Variants in NKAIN3 observed in about 807,000 individuals in gnomAD.
NKAIN3 encodes the protein sodium/potassium transporting ATPase interacting 3, also known as sodium/potassium-transporting ATPase subunit beta-1-interacting protein 3.
A neutral mutation model predicts 30.2 loss-of-function variants in NKAIN3; 25 were observed. That is an observed-to-expected ratio of 0.83 (90% CI 0.60 to 1.16). NKAIN3 has a LOEUF of 1.16. Ranked by LOEUF, NKAIN3 falls within the 50% of genes most tolerant of loss-of-function variation. NKAIN3 has a pLI of 0.00. For synonymous variants in NKAIN3, 91 were observed against 89.6 expected (o/e 1.02, Z -0.09); for missense variants, 225 against 254.1 (o/e 0.89, Z 0.78).
In NKAIN3 at chr8:62,421,074, C is replaced by T. The variant is rs143877873; in HGVS notation, c.55-158465C>T. Among the ~76,000 whole-genome samples the T allele has an allele frequency of 2.2e-4, 33 of 152,216 alleles. No individual in the cohort carries two copies. In the East Asian group the frequency reaches 6.2e-3, roughly 29 times the overall value. On this transcript the variant is annotated intron_variant, in intron 1 of 6. Coordinates refer to ENST00000623646, the MANE Select transcript of NKAIN3 (RefSeq NM_001304533.3). The stretch of plus-strand genomic sequence containing the variant: ...CCACACAACTTTGAAAAAGAAACAC[C>T]GCACAAGGTTGAGGATTATAAACCA...
At chr8:62,479,471 C>T (rs929463046) in intron 1 of NKAIN3, among the ~76,000 whole-genome samples, 9 of 152,108 alleles carry the variant, frequency 5.9e-5, no homozygotes, top group African/African-American at 2.2e-4. Flanking sequence ...GGCCCTGTTC[C>T]CTCCACTGGG....
chr8:62,602,806 G>A (rs1456921026), intron 3 of NKAIN3, among the ~76,000 whole-genome samples: 1 of 151,992 alleles, frequency 6.6e-6, no homozygotes, highest in Non-Finnish European at 1.5e-5. Flanking sequence ...TCCAAACATG[G>A]CAAATTCTTC....
intron 1 of NKAIN3, among the ~76,000 whole-genome samples, chr8:62,352,250 G>A (rs1816203332): frequency 6.6e-6 from 1 of 152,136 alleles, no homozygotes; most frequent in African/African-American, 2.4e-5. Flanking sequence ...CTGAGCTTCA[G>A]CTCAGGCTTA....
chr8:62,288,843 T>A lies in NKAIN3; in HGVS notation c.54+39716T>A, dbSNP rs1813472626. 2.0e-5 allele frequency among the ~76,000 whole-genome samples: 3 copies of A among 152,318 alleles called. No homozygotes were observed. The South Asian group carries it at 6.2e-4, about 32-fold the overall frequency. On this transcript the variant is annotated intron_variant, in intron 1 of 6. Transcript: ENST00000623646. ...CTAACTTCCACAATGGTTGAACTAG[T>A]TTACAGTCCCACCAACAGTGTAAAA... is the stretch of plus-strand genomic sequence containing the variant.
intron 4 of NKAIN3, among the ~76,000 whole-genome samples, chr8:62,895,310 G>A (rs986754178): frequency 3.3e-5 from 5 of 152,180 alleles, no homozygotes; most frequent in African/African-American, 4.8e-5. Context: ...TAAAAGATAG[G>A]CTCTGCCCTC....
At chr8:62,443,950 A>T (rs547365983) in intron 1 of NKAIN3, among the ~76,000 whole-genome samples, 1 of 152,270 alleles carries the variant, frequency 6.6e-6, no homozygotes, top group East Asian at 1.9e-4. Context: ...TCTAACAGGC[A>T]TTACTGTTAG....
chr8:62,630,541 A>G (rs1811925390), intron 3 of NKAIN3, among the ~76,000 whole-genome samples: 1 of 152,144 alleles, frequency 6.6e-6, no homozygotes, highest in African/African-American at 2.4e-5. Context: ...TTCCAAGTGT[A>G]TTCAGCAAAT....
intron 3 of NKAIN3, among the ~76,000 whole-genome samples, chr8:62,716,782 A>G (rs147033046): frequency 7.0e-4 from 107 of 152,018 alleles, no homozygotes; most frequent in African/African-American, 2.3e-3. Flanking sequence ...AGAGAATAAC[A>G]GCTGTCAGGA....
At chr8:62,753,855 T>C (rs1474322658) in intron 4 of NKAIN3, among the ~76,000 whole-genome samples, 1 of 152,090 alleles carries the variant, frequency 6.6e-6, no homozygotes, top group African/African-American at 2.4e-5. Flanking sequence ...TCTGGATATG[T>C]ATAAATATAT....
chr8:62,625,810 A>G (rs958984335), intron 3 of NKAIN3, among the ~76,000 whole-genome samples: 3 of 152,096 alleles, frequency 2.0e-5, no homozygotes, highest in Non-Finnish European at 4.4e-5. Context: ...TTTTTGAGCC[A>G]TGACCACTGT....
intron 4 of NKAIN3, among the ~76,000 whole-genome samples, chr8:62,752,082 T>C (rs1816300888): frequency 6.6e-6 from 1 of 152,152 alleles, no homozygotes; most frequent in Non-Finnish European, 1.5e-5. Flanking sequence ...AACAAGAGAC[T>C]CTGAAGTCCC....
chr8:62,885,724 T>C (rs907945501), intron 4 of NKAIN3, among the ~76,000 whole-genome samples: 1 of 152,214 alleles, frequency 6.6e-6, no homozygotes, highest in Non-Finnish European at 1.5e-5. Flanking sequence ...CCCTTTGTGA[T>C]TATGTAATGT....
chr8:62,700,839 A>G (rs1225329291), intron 3 of NKAIN3, among the ~76,000 whole-genome samples: 1 of 152,196 alleles, frequency 6.6e-6, no homozygotes, highest in Admixed American at 6.5e-5. Flanking sequence ...TTATCATCAG[A>G]CCATATTTTC....
At chr8:62,891,617 C>A (rs776141738) in intron 4 of NKAIN3, among the ~76,000 whole-genome samples, 1 of 152,142 alleles carries the variant, frequency 6.6e-6, no homozygotes, top group Non-Finnish European at 1.5e-5. Context: ...AAAAATCGAG[C>A]CAGCTTGACT....
chr8:62,857,277 C>T (rs73258783), intron 4 of NKAIN3: 218 of 189,424 alleles, frequency 1.2e-3, no homozygotes, highest in African/African-American at 4.9e-3. Flanking sequence ...CTGCCCTTAA[C>T]ATTATTTGTT....
At chr8:62,689,444 T>A (rs1274784863) in intron 3 of NKAIN3, among the ~76,000 whole-genome samples, 2 of 152,186 alleles carry the variant, frequency 1.3e-5, no homozygotes, top group Non-Finnish European at 2.9e-5. Context: ...ACTTGGAGAT[T>A]ACTTGTACAT....
At chr8:62,439,197 A>G (rs893166478) in intron 1 of NKAIN3, among the ~76,000 whole-genome samples, 23 of 152,202 alleles carry the variant, frequency 1.5e-4, no homozygotes, top group African/African-American at 5.5e-4. Flanking sequence ...ACATTGGCAC[A>G]ACTGGTGAGA....
chr8:62,725,365 T>C (rs1255692774), intron 3 of NKAIN3, among the ~76,000 whole-genome samples: 1 of 152,154 alleles, frequency 6.6e-6, no homozygotes, highest in Non-Finnish European at 1.5e-5. Flanking sequence ...GTGCAGAAGC[T>C]TTTTAATTTG....
chr8:62,952,614 T>G (rs1304342994), intron 5 of NKAIN3, among the ~76,000 whole-genome samples: 2 of 152,176 alleles, frequency 1.3e-5, no homozygotes, highest in African/African-American at 4.8e-5. Flanking sequence ...TAAATGAATC[T>G]TCTACATTTT....
Sources: allele counts gnomAD v4.1 joint callset (sites outside exome capture counted in the v4.1 genomes callset), GRCh38; gene constraint gnomAD v4.1.1; transcripts MANE v1.5; gene names NCBI Gene and HGNC (gene_info 2026-07-23, HGNC 2026-07-21).